The following SMYD3 variants were observed in gnomAD, a reference collection of about 807,000 sequenced individuals.
SMYD3 encodes the protein SET and MYND domain containing 3.
A neutral mutation model predicts 57.7 loss-of-function variants in SMYD3; 36 were observed. The observed-to-expected ratio is 0.62, with a 90% confidence interval of 0.48 to 0.82. The LOEUF (loss-of-function observed/expected upper bound fraction) is 0.82. Among genes scored for constraint, SMYD3 ranks in the 40% least tolerant of loss-of-function variants. The probability of loss-of-function intolerance (pLI) is 0.00; values close to 1 mark genes in which losing one functional copy is unlikely to be tolerated. For missense variants in SMYD3, 515 were observed against 538.8 expected (o/e 0.96, Z 0.44); for synonymous variants, 211 against 195.0 (o/e 1.08, Z -0.68).
At chr1:246,354,141 G>A (rs2065874990) in intron 2 of SMYD3, among the ~76,000 whole-genome samples, 1 of 152,148 alleles carries the variant, frequency 6.6e-6, no homozygotes. Flanking sequence ...AGGATGAGTG[G>A]AGGGTGGCAG....
chr1:245,868,841 G>A lies in SMYD3; in HGVS notation c.814-4955C>T, dbSNP rs191893475. Among the ~76,000 whole-genome samples the A allele has an allele frequency of 3.8e-3, 576 of 152,142 alleles. 3 individuals carry two copies. The highest frequency in any genetic ancestry group is 0.016 in the South Asian group (78 of 4,804). On this transcript the variant is annotated intron_variant, in intron 8 of 11. Coordinates refer to ENST00000490107, the MANE Select transcript of SMYD3 (RefSeq NM_001167740.2). ...ATTATGTCTACACTGGGTCTGTCAC[G>A]TCTCCCCTCTCTCCACACCAGGCTG...
chr1:246,350,071 G>A (rs1033949801), intron 2 of SMYD3, among the ~76,000 whole-genome samples: 1 of 152,202 alleles, frequency 6.6e-6, no homozygotes, highest in Admixed American at 6.5e-5. Flanking sequence ...CATGGATGGA[G>A]AAAGATATAC....
intron 8 of SMYD3, among the ~76,000 whole-genome samples, chr1:245,905,490 G>A (rs998215751): frequency 2.0e-5 from 3 of 152,210 alleles, no homozygotes; most frequent in African/African-American, 7.2e-5. Context: ...TGAGGCTCCT[G>A]TGCCTTTGGA....
chr1:246,181,510 G>T (rs1236892708), intron 5 of SMYD3, among the ~76,000 whole-genome samples: 3 of 152,182 alleles, frequency 2.0e-5, no homozygotes, highest in Non-Finnish European at 4.4e-5. Context: ...GAAATTCAAA[G>T]AAAATACTAT....
intron 5 of SMYD3, chr1:246,052,531 C>A (rs1382179574): frequency 6.6e-6 from 1 of 152,174 alleles, no homozygotes; most frequent in South Asian, 2.1e-4. Context: ...GAATTAAAGA[C>A]GAATCTATTC....
rs80119003 is a variant in SMYD3, at chr1:246,163,622, G to C, written c.531+163579C>G. ...TGCTCTCAATAAAAACACAAATTCA[G>C]ATTAGGTTTCTGTACTCAATGTTTA... On this transcript the variant is annotated intron_variant, in intron 5 of 11. Transcript: ENST00000490107. 1.6e-3 allele frequency among the ~76,000 whole-genome samples: 245 copies of C among 152,230 alleles called. 3 individuals carry two copies. In the East Asian group the frequency reaches 0.035, roughly 22 times the overall value.
chr1:245,885,750 C>A (rs2053054906), intron 8 of SMYD3, among the ~76,000 whole-genome samples: 1 of 152,118 alleles, frequency 6.6e-6, no homozygotes, highest in Non-Finnish European at 1.5e-5. Flanking sequence ...ATGGTCTTTT[C>A]TTGAGCTAAA....
At position 246,460,672 on chromosome 1, in the gene SMYD3, G is replaced by T. The variant is rs143547931; in HGVS notation, c.164+46382C>A. On this transcript the variant is annotated intron_variant, in intron 1 of 11. Transcript: ENST00000490107. Reference sequence around the variant, plus strand: ...GCTGTGCCTTAGAAAATCCTTTAGTGTTTTAATAAAAAATAATTTCAATTG... The same window carrying T: ...GCTGTGCCTTAGAAAATCCTTTAGTTTTTTAATAAAAAATAATTTCAATTG... Among the ~76,000 whole-genome samples the T allele has an allele frequency of 8.7e-3, 1,321 of 152,244 alleles. 24 individuals carry two copies. Among genetic ancestry groups the T allele is most frequent in the African/African-American group, 0.028 (1,182 of 41,552 alleles).
intron 8 of SMYD3, among the ~76,000 whole-genome samples, chr1:245,866,064 C>T (rs1312143545): frequency 1.3e-5 from 2 of 152,116 alleles, no homozygotes; most frequent in African/African-American, 4.8e-5. Context: ...GTCATGTGCC[C>T]GTTGAAGGAG....
intron 1 of SMYD3, among the ~76,000 whole-genome samples, chr1:246,441,337 A>C (rs1204258980): frequency 6.6e-6 from 1 of 152,152 alleles, no homozygotes; most frequent in East Asian, 1.9e-4. Context: ...TACGCTGCAA[A>C]ATTTGTGGTT....
chr1:246,471,352 C>T (rs2067960009), intron 1 of SMYD3, among the ~76,000 whole-genome samples: 1 of 152,132 alleles, frequency 6.6e-6, no homozygotes, highest in African/African-American at 2.4e-5. Context: ...GCACATGCCA[C>T]TACTCCCAGT....
rs1430703759 is a variant in SMYD3 at position 245,863,781 on chromosome 1, C to A, written c.901+18G>T. 6.2e-7 allele frequency: 1 copy of A among 1,610,096 alleles called. No homozygotes were observed. On this transcript the variant is annotated intron_variant, in intron 9 of 11. Coordinates refer to ENST00000490107, the MANE Select transcript of SMYD3 (RefSeq NM_001167740.2). ...AACAATCCCAACAGTCCACCTCAAT[C>A]CACAGGCGAAAGGATACTCCAGTGT... is the stretch of plus-strand genomic sequence containing the variant.
At chr1:246,394,818 C>A (rs2066631705) in intron 1 of SMYD3, among the ~76,000 whole-genome samples, 1 of 151,918 alleles carries the variant, frequency 6.6e-6, no homozygotes, top group Admixed American at 6.6e-5. Flanking sequence ...ATAAGAGAGC[C>A]TCCCGAACTC....
chr1:245,830,437 C>T (rs535532992), intron 10 of SMYD3, among the ~76,000 whole-genome samples: 134 of 152,292 alleles, frequency 8.8e-4, no homozygotes, highest in Non-Finnish European at 1.5e-3. Flanking sequence ...GGGAAACTGC[C>T]TCCATGATTC....
At chr1:246,409,783 T>C (rs2066931562) in intron 1 of SMYD3, among the ~76,000 whole-genome samples, 7 of 152,208 alleles carry the variant, frequency 4.6e-5, no homozygotes, top group Admixed American at 4.6e-4. Context: ...GCTTTTTTCA[T>C]GATATTGATT....
At chr1:246,234,922 A>T (rs2063489569) in intron 5 of SMYD3, among the ~76,000 whole-genome samples, 1 of 152,210 alleles carries the variant, frequency 6.6e-6, no homozygotes, top group Non-Finnish European at 1.5e-5. Context: ...AAATCAGGTC[A>T]TTACCCATGA....
chr1:246,298,107 T>C (rs931626789), intron 5 of SMYD3, among the ~76,000 whole-genome samples: 3 of 152,090 alleles, frequency 2.0e-5, no homozygotes, highest in Admixed American at 6.6e-5. Context: ...CATAAGCTTT[T>C]TCCTTTGTCT....
intron 1 of SMYD3, among the ~76,000 whole-genome samples, chr1:246,485,863 A>C (rs902472128): frequency 2.0e-5 from 3 of 152,210 alleles, no homozygotes; most frequent in African/African-American, 7.2e-5. Context: ...AATTTGAGCA[A>C]GATATAACTT....
intron 5 of SMYD3, among the ~76,000 whole-genome samples, chr1:246,254,615 T>G (rs185234864): frequency 6.6e-5 from 10 of 152,282 alleles, no homozygotes; most frequent in Admixed American, 5.9e-4. Context: ...CTTTGGCTAC[T>G]TGGACTCTTT....
Sources: allele counts gnomAD v4.1 joint callset (sites outside exome capture counted in the v4.1 genomes callset), GRCh38; gene constraint gnomAD v4.1.1; transcripts MANE v1.5; gene names NCBI Gene and HGNC (gene_info 2026-07-23, HGNC 2026-07-21).